The following METTL2A variants were observed in gnomAD, a reference collection of about 807,000 sequenced individuals.
METTL2A encodes methyltransferase 2A, tRNA N3-cytidine, also known as tRNA N(3)-cytidine methyltransferase METTL2A.
Under a neutral mutation model 49.4 loss-of-function variants are expected in METTL2A, and 45 were observed. The ratio of observed to expected loss-of-function variants is 0.91; its 90% CI spans 0.72 to 1.17. The LOEUF (loss-of-function observed/expected upper bound fraction) is 1.17, where lower values mean the gene tolerates loss of function less well. METTL2A is among the 50% of genes most tolerant of loss of function. METTL2A has a pLI of 0.00. For missense variants in METTL2A, 361 were observed against 462.2 expected, an observed-to-expected ratio of 0.78 and a Z score of 2.01; for synonymous variants, 118 against 167.5, an observed-to-expected ratio of 0.70 and a Z score of 2.28.
chr17:62,437,801 G>A (rs1381348328), intron 5 of METTL2A, among the ~76,000 whole-genome samples: 4 of 151,894 alleles, frequency 2.6e-5, no homozygotes, highest in African/African-American at 9.7e-5. Context: ...GTGAAACCCC[G>A]TCTCTACTAA....
chr17:62,448,813 A>C lies in METTL2A; in HGVS notation c.*84A>C. The C allele has an allele frequency of 6.4e-7, 1 of 1,568,468 alleles. No individual in the cohort carries two copies. The highest frequency in any genetic ancestry group is 8.7e-7 in the Non-Finnish European group (1 of 1,155,932). On this transcript the variant is annotated 3_prime_UTR_variant, in exon 9 of 9. Coordinates refer to ENST00000311506, the MANE Select transcript of METTL2A (RefSeq NM_181725.4). The stretch of plus-strand genomic sequence containing the variant: ...AAAATTGTAGCACTGGGCGTGGTGC[A>C]TGCCTGTAATCCCAGCCACTCAGGA...
chr17:62,435,954 A>G (rs1045475499), intron 5 of METTL2A, among the ~76,000 whole-genome samples: 2 of 152,178 alleles, frequency 1.3e-5, no homozygotes, highest in African/African-American at 4.8e-5. Context: ...ATACGATTGC[A>G]TGCTGGTGCG....
Position 62,423,968 on chromosome 17 carries a change from C to T in METTL2A, c.66C>T (p.Ser22=), listed in dbSNP as rs2070603779. ...VLADKRQQFG[S]RFLRDPARVF... is the part of the protein sequence containing the mutation. Reference sequence around the variant, plus strand: ...CCGATAAGAGGCAGCAGTTCGGAAGCCGGTTCCTGAGAGATCCGGCGCGCG... The same window carrying T: ...CCGATAAGAGGCAGCAGTTCGGAAGTCGGTTCCTGAGAGATCCGGCGCGCG... The change falls in exon 1 of 9, where the codon AGC becomes AGT. Residue 22 remains serine, a synonymous_variant. Coordinates refer to ENST00000311506, the MANE Select transcript of METTL2A (RefSeq NM_181725.4). The T allele has an allele frequency of 6.2e-7, 1 of 1,613,918 alleles. No individual in the cohort carries two copies. Among genetic ancestry groups the T allele is most frequent in the Non-Finnish European group, 8.5e-7 (1 of 1,179,982 alleles).
Position 62,451,512 on chromosome 17 carries a change from C to T in METTL2A, c.*2783C>T, listed in dbSNP as rs1598040260. ...GTGCGGTGGCTCACACCTGTAATCC[C>T]AGCACTTTGGGAGGCCAAGGTGGGC... On this transcript the variant is annotated 3_prime_UTR_variant, in exon 9 of 9. Coordinates refer to ENST00000311506, the MANE Select transcript of METTL2A (RefSeq NM_181725.4). Among the ~76,000 whole-genome samples the T allele has an allele frequency of 6.6e-6, 1 of 151,276 alleles. No homozygotes were observed. Among genetic ancestry groups the T allele is most frequent in the East Asian group, 2.0e-4 (1 of 4,972 alleles).
intron 5 of METTL2A, among the ~76,000 whole-genome samples, chr17:62,437,560 A>T (rs967787961): frequency 6.6e-6 from 1 of 152,154 alleles, no homozygotes; most frequent in Non-Finnish European, 1.5e-5. Context: ...AGTCCCTGGA[A>T]AGTCTAGTTA....
chr17:62,443,140 AG>A (rs1373430363), intron 6 of METTL2A, among the ~76,000 whole-genome samples: 2 of 152,196 alleles, frequency 1.3e-5, no homozygotes, highest in Non-Finnish European at 2.9e-5. Context: ...TGGGAGGCTG[AG>A]GTGGGAGGAG....
In METTL2A at chr17:62,440,635, C is replaced by G. The variant is rs758303734; in HGVS notation, c.688C>G (p.Pro230Ala). 1 of 1,612,604 alleles carries G rather than the reference C, an allele frequency of 6.2e-7. No homozygotes were observed. The highest frequency in any genetic ancestry group is 1.3e-5 in the African/African-American group (1 of 74,760). The change falls in exon 6 of 9, where the codon CCT becomes GCT. Residue 230 changes from proline to alanine, a missense_variant. Physicochemically the swap from Pro to Ala is conservative, Grantham distance 27. Around this residue, in one of 3 missense-constraint regions of METTL2A, gnomAD observed 183 missense variants for 216.5 expected, o/e 0.85. Coordinates refer to ENST00000311506, the MANE Select transcript of METTL2A (RefSeq NM_181725.4). ...ELVQTNSEYD[P>A]SRCFAFVHDL... ...TCTGCAGACAAATTCAGAATATGAT[C>G]CTTCTCGGTGTTTTGCCTTTGTTCA...
Position 62,448,742 on chromosome 17 carries a change from G to A in METTL2A, c.*13G>A. 6.2e-7 allele frequency: 1 copy of A among 1,613,508 alleles called. No homozygotes were observed. Among genetic ancestry groups the A allele is most frequent in the East Asian group, 2.2e-5 (1 of 44,872 alleles). On this transcript the variant is annotated 3_prime_UTR_variant, in exon 9 of 9. Transcript: ENST00000311506. ...CAGCACCAGCTGAGAGGCACCTGCT[G>A]CCAACACGATGCAAGCCCATTGTGT...
At position 62,440,751 on chromosome 17, in the gene METTL2A, A is replaced by G. The variant is rs191922122; in HGVS notation, c.804A>G (p.Pro268=). 9.3e-6 allele frequency: 15 copies of G among 1,613,032 alleles called. No individual in the cohort carries two copies. In the East Asian group the frequency reaches 1.3e-4, roughly 14 times the overall value. Residue 268 remains proline (P), a synonymous_variant, in exon 6 of 9, where the codon CCA becomes CCG. Coordinates refer to ENST00000311506, the MANE Select transcript of METTL2A (RefSeq NM_181725.4). ...ILIFVLSAIV[P]DKMQKAINRL... is the part of the protein sequence containing the mutation. ...TATTTGTTCTTTCAGCAATTGTTCC[A>G]GACAAGTAAGTTTGGGTCCCTTGGC... is the stretch of plus-strand genomic sequence containing the variant.
chr17:62,436,794 T>C (rs2070703131), intron 5 of METTL2A, among the ~76,000 whole-genome samples: 2 of 152,174 alleles, frequency 1.3e-5, no homozygotes, highest in South Asian at 4.1e-4. Context: ...CTTCCTTTCA[T>C]GAAAGATTTC....
intron 4 of METTL2A, among the ~76,000 whole-genome samples, chr17:62,433,569 G>T (rs986085796): frequency 1.3e-5 from 2 of 151,336 alleles, no homozygotes; most frequent in Admixed American, 1.3e-4. Context: ...GTGAAACCCC[G>T]TCTCTCCTAA....
At chr17:62,437,133 CTTTTTT>C (rs747770697) in intron 5 of METTL2A, among the ~76,000 whole-genome samples, 1 of 125,530 alleles carries the variant, frequency 8.0e-6, no homozygotes, top group Non-Finnish European at 1.7e-5. Context: ...TCAGGCTTCA[CTTTTTT>C]TTTTTTTTTT....
chr17:62,437,301 A>G (rs1432195528), intron 5 of METTL2A, among the ~76,000 whole-genome samples: 3 of 152,212 alleles, frequency 2.0e-5, no homozygotes, highest in Non-Finnish European at 4.4e-5. Flanking sequence ...CGTCTAGACA[A>G]ACTCAAAGCA....
intron 6 of METTL2A, among the ~76,000 whole-genome samples, chr17:62,441,986 C>A (rs1337435570): frequency 6.6e-6 from 1 of 151,724 alleles, no homozygotes; most frequent in African/African-American, 2.4e-5. Context: ...GACCTCATGA[C>A]CTCATGATCC....
At chr17:62,438,591 AAAAG>A (rs1191438898) in intron 5 of METTL2A, among the ~76,000 whole-genome samples, 10 of 151,908 alleles carry the variant, frequency 6.6e-5, no homozygotes, top group Admixed American at 4.6e-4. Context: ...AAAAAAAAAA[AAAAG>A]AGTCTGTCAC....
chr17:62,427,644 A>G (rs2070637034), intron 3 of METTL2A, 144 bp from the exon 4 acceptor site: 2 of 1,370,916 alleles, frequency 1.5e-6, no homozygotes, highest in East Asian at 4.8e-5. Flanking sequence ...AACAAATGTC[A>G]TGAGTACTGT....
rs1450649736 is a variant in METTL2A, at chr17:62,423,962, C to T, written c.60C>T (p.Phe20=). The T allele has an allele frequency of 7.4e-6, 12 of 1,613,604 alleles. No homozygotes were observed. The highest frequency in any genetic ancestry group is 6.8e-6 in the Non-Finnish European group (8 of 1,179,986). The change falls in exon 1 of 9, where the codon TTC becomes TTT. Residue 20 remains phenylalanine (F), a synonymous_variant. Transcript: ENST00000311506. The stretch of plus-strand genomic sequence containing the variant: ...TCCTCGCCGATAAGAGGCAGCAGTT[C>T]GGAAGCCGGTTCCTGAGAGATCCGG... ...PAVLADKRQQ[F]GSRFLRDPAR... is the part of the protein sequence containing the mutation.
chr17:62,447,580 G>T (rs998996916), intron 7 of METTL2A, 121 bp from the exon 8 acceptor site: 11 of 1,025,560 alleles, frequency 1.1e-5, no homozygotes, highest in Non-Finnish European at 1.5e-5. Flanking sequence ...TGCTCTTCCC[G>T]AAGCACTGAG....
chr17:62,449,056 A>C lies in METTL2A; in HGVS notation c.*327A>C. 1 of 251,970 alleles carries C rather than the reference A, an allele frequency of 4.0e-6. No homozygotes were observed. The allele number at this position is 251,970 out of a possible 1,614,324, so 15.6% of individuals were successfully genotyped here. ...CTTCATATTTGTGAAGTCCTTTAAA[A>C]CATAATTTTCTCAAGTTCTTTCTTT... On this transcript the variant is annotated 3_prime_UTR_variant, in exon 9 of 9. Transcript: ENST00000311506.
Sources: gnomAD v4.1 joint callset for allele counts (sites outside exome capture counted in the v4.1 genomes callset) on GRCh38, gnomAD v4.1.1 for gene constraint, gnomAD v4.1.1 regional missense constraint, MANE v1.5 for transcripts, NCBI Gene and HGNC (gene_info 2026-07-23, HGNC 2026-07-21) for gene names.